Variants in FGFR2 observed in about 807,000 individuals in gnomAD.
FGFR2 encodes the protein fibroblast growth factor receptor 2.
Under a neutral mutation model 95.9 loss-of-function variants are expected in FGFR2, and 19 were observed. The ratio of observed to expected loss-of-function variants is 0.20; its 90% CI spans 0.14 to 0.29. FGFR2 has a LOEUF of 0.29. Ranked by LOEUF, FGFR2 falls within the 10% of genes least tolerant of loss-of-function variation. The pLI is 1.00. For synonymous variants in FGFR2, 392 were observed against 393.3 expected (o/e 1.00, Z 0.04); for missense variants, 707 against 1,056.9 (o/e 0.67, Z 4.59).
At chr10:121,570,597 G>A (rs1361263434) in intron 2 of FGFR2, among the ~76,000 whole-genome samples, 1 of 152,196 alleles carries the variant, frequency 6.6e-6, no homozygotes, top group Non-Finnish European at 1.5e-5. Context: ...GAATCCACCA[G>A]GGGTGCACAG....
chr10:121,535,066 CAGAA>C (rs913630654), intron 6 of FGFR2, among the ~76,000 whole-genome samples: 12 of 152,206 alleles, frequency 7.9e-5, no homozygotes, highest in African/African-American at 2.6e-4. Context: ...AAGAGGAAGA[CAGAA>C]GGAGATTTTG....
intron 9 of FGFR2, among the ~76,000 whole-genome samples, chr10:121,509,507 T>TTGGG (rs1848771649): frequency 1.3e-5 from 1 of 79,234 alleles, no homozygotes; most frequent in Non-Finnish European, 2.6e-5. Context: ...TTTTTTTTTT[T>TTGGG]TTGGTTTGAG....
chr10:121,535,740 G>A (rs1852742991), intron 6 of FGFR2, among the ~76,000 whole-genome samples: 1 of 152,222 alleles, frequency 6.6e-6, no homozygotes, highest in African/African-American at 2.4e-5. Flanking sequence ...CAATTTTAAT[G>A]AGGATCAAGC....
intron 4 of FGFR2, among the ~76,000 whole-genome samples, chr10:121,555,586 C>G (rs1386857895): frequency 1.3e-5 from 2 of 152,122 alleles, no homozygotes; most frequent in African/African-American, 4.8e-5. Context: ...AGGTATGGTT[C>G]CTTTGGCTCT....
chr10:121,597,615 G>C (rs1029912543), intron 1 of FGFR2, among the ~76,000 whole-genome samples: 1 of 152,186 alleles, frequency 6.6e-6, no homozygotes, highest in African/African-American at 2.4e-5. Flanking sequence ...GCTGTGCCAC[G>C]GGCAGGCGAA....
intron 9 of FGFR2, among the ~76,000 whole-genome samples, chr10:121,510,325 A>C (rs1848889817): frequency 6.6e-6 from 1 of 152,148 alleles, no homozygotes; most frequent in African/African-American, 2.4e-5. Flanking sequence ...TCCAGGTCAG[A>C]TCTTGGGCAA....
At chr10:121,481,592 T>C (rs1349954099) in intron 17 of FGFR2, among the ~76,000 whole-genome samples, 1 of 152,112 alleles carries the variant, frequency 6.6e-6, no homozygotes, top group African/African-American at 2.4e-5. Flanking sequence ...AAAACGAAAT[T>C]TTGTCCTAAA....
chr10:121,596,728 G>C (rs1269057100), intron 1 of FGFR2: 2 of 192,860 alleles, frequency 1.0e-5, no homozygotes, highest in African/African-American at 2.3e-5. Context: ...CTTGCGAGCA[G>C]CTTGGGGGTG....
intron 2 of FGFR2, among the ~76,000 whole-genome samples, chr10:121,586,296 G>A (rs1861826608): frequency 6.6e-6 from 1 of 152,138 alleles, no homozygotes; most frequent in African/African-American, 2.4e-5. Flanking sequence ...TACATCCCTT[G>A]TTCTCGTTCT....
chr10:121,520,823 T>C (rs543622905), intron 6 of FGFR2, among the ~76,000 whole-genome samples: 77 of 152,124 alleles, frequency 5.1e-4, no homozygotes, highest in Non-Finnish European at 7.9e-4. Flanking sequence ...TCAAATGTTT[T>C]ATAGAAAGAG....
At position 121,496,708 on chromosome 10, in the gene FGFR2, T is replaced by C. The variant is rs1846866782; in HGVS notation, c.1687A>G (p.Ile563Val). Residue 563 changes from isoleucine (I) to valine (V), a missense_variant, in exon 13 of 18, where the codon ATA (isoleucine) becomes GTA (valine). Around this residue, in one of 7 missense-constraint regions of FGFR2, gnomAD observed 194 missense variants for 267.3 expected, o/e 0.73. Transcript: ENST00000358487. ...ACTQDGPLYV[I>V]VEYASKGNLR... ...TTGCCTTTAGAGGCATACTCAACTA[T>C]GACATAGAGAGGCCCTGTTGAGGAA... 4 of 1,611,392 alleles carry C rather than the reference T, an allele frequency of 2.5e-6. No homozygotes were observed. In the East Asian group the frequency reaches 8.9e-5, roughly 36 times the overall value.
intron 4 of FGFR2, among the ~76,000 whole-genome samples, chr10:121,557,066 TA>T (rs1473523606): frequency 6.6e-6 from 1 of 152,236 alleles, no homozygotes; most frequent in Non-Finnish European, 1.5e-5. Context: ...AAAAACTTGC[TA>T]ACCAGCCAGG....
chr10:121,509,817 A>C (rs1178392622), intron 9 of FGFR2, among the ~76,000 whole-genome samples: 1 of 151,846 alleles, frequency 6.6e-6, no homozygotes, highest in Non-Finnish European at 1.5e-5. Context: ...AATTAAATTT[A>C]CCATCTAGAG....
intron 9 of FGFR2, among the ~76,000 whole-genome samples, chr10:121,507,336 C>T (rs991896606): frequency 1.3e-5 from 2 of 152,182 alleles, no homozygotes. Flanking sequence ...ACCTGTAATC[C>T]TAGCACTTTG....
chr10:121,564,033 C>G (rs952585737), intron 4 of FGFR2, among the ~76,000 whole-genome samples: 3 of 152,178 alleles, frequency 2.0e-5, no homozygotes, highest in Admixed American at 1.3e-4. Flanking sequence ...CTGGCCCCTC[C>G]CCAGCTAAAG....
intron 15 of FGFR2, among the ~76,000 whole-genome samples, chr10:121,486,400 C>A (rs942176635): frequency 1.3e-5 from 2 of 152,106 alleles, no homozygotes; most frequent in African/African-American, 4.8e-5. Flanking sequence ...AGAATTAATG[C>A]CTACCCAGAA....
chr10:121,543,896 G>T (rs1589926739), intron 5 of FGFR2, among the ~76,000 whole-genome samples: 1 of 152,204 alleles, frequency 6.6e-6, no homozygotes, highest in African/African-American at 2.4e-5. Context: ...TTGCTTGTCG[G>T]TGCTCACAAA....
rs3135732 is a variant in FGFR2, at chr10:121,565,758, G to A, written c.110-54C>T. The A allele has an allele frequency of 7.6e-3, 12,222 of 1,605,282 alleles. 409 individuals carry two copies. The Admixed American group carries it at 0.078, about 10-fold the overall frequency. ...AGACAGATGGGAAGGAGGGAGAGGA[G>A]AGAACGTCCAACAAAGGTCAGTGGA... On this transcript the variant is annotated intron_variant, in intron 2 of 17. Transcript: ENST00000358487.
rs540158347 is a variant in FGFR2 at position 121,532,518 on chromosome 10, C to T, written c.748+6074G>A. 1.8e-3 allele frequency among the ~76,000 whole-genome samples: 277 copies of T among 152,314 alleles called. 3 individuals are homozygous for T. The highest frequency in any genetic ancestry group is 6.6e-3 in the African/African-American group (274 of 41,564). On this transcript the variant is annotated intron_variant, in intron 6 of 17. Transcript: ENST00000358487. ...TAATTAATTAACTAGGCCACCGCTT[C>T]TTCATTTACTTAACCACTACTTTGT...
Sources: allele counts gnomAD v4.1 joint callset (sites outside exome capture counted in the v4.1 genomes callset), GRCh38; gene constraint gnomAD v4.1.1; regional missense constraint gnomAD v4.1.1; transcripts MANE v1.5; gene names NCBI Gene and HGNC (gene_info 2026-07-23, HGNC 2026-07-21).